EML4: variants seen among roughly 807,000 people sequenced by gnomAD.
EML4 encodes EMAP like 4.
In EML4, 72 loss-of-function variants were observed where a neutral mutation model predicts 129.0. The ratio of observed to expected loss-of-function variants is 0.56; its 90% confidence interval spans 0.46 to 0.68. The LOEUF (loss-of-function observed/expected upper bound fraction) is 0.68. Ranked by LOEUF, EML4 falls within the 30% of genes least tolerant of loss-of-function variation. The pLI, the probability that EML4 is intolerant of heterozygous loss-of-function variation, is 0.00. For missense variants in EML4, 1,363 were observed against 1,190.6 expected, an observed-to-expected ratio of 1.14 and a Z score of -2.13; for synonymous variants, 532 against 405.0, an observed-to-expected ratio of 1.31 and a Z score of -3.77.
chr2:42,256,707 A>G (rs928283037), intron 3 of EML4, 77 bp downstream of exon 3: 8 of 1,542,914 alleles, frequency 5.2e-6, no homozygotes, highest in Non-Finnish European at 7.1e-6. Context: ...TTTAGAAAGA[A>G]TATGAAATAG....
At chr2:42,266,902 G>A (rs1666094448) in intron 6 of EML4, among the ~76,000 whole-genome samples, 1 of 152,134 alleles carries the variant, frequency 6.6e-6, no homozygotes, top group South Asian at 2.1e-4. Context: ...CTGAAATAGG[G>A]AACATTTGAG....
At chr2:42,207,903 A>G (rs978873183) in intron 1 of EML4, 9 of 152,238 alleles carry the variant, frequency 5.9e-5, no homozygotes, top group African/African-American at 2.2e-4. Flanking sequence ...TCTTATTTAT[A>G]GGAAGTTTTT....
intron 8 of EML4, among the ~76,000 whole-genome samples, chr2:42,283,585 C>T (rs1168275448): frequency 6.6e-6 from 1 of 151,804 alleles, no homozygotes; most frequent in Admixed American, 6.6e-5. Flanking sequence ...GGATGTTTTC[C>T]AACATTTAAA....
intron 1 of EML4, 79 bp downstream of exon 1, chr2:42,169,715 C>A: frequency 6.7e-7 from 1 of 1,498,810 alleles, no homozygotes; most frequent in East Asian, 2.5e-5. Flanking sequence ...CAGGCCCTGC[C>A]CTCCCGCCTG....
At chr2:42,176,135 T>C (rs1670589354) in intron 1 of EML4, among the ~76,000 whole-genome samples, 1 of 152,202 alleles carries the variant, frequency 6.6e-6, no homozygotes, top group African/African-American at 2.4e-5. Flanking sequence ...TTCTTTTCCT[T>C]ATTTCCCACT....
intron 1 of EML4, among the ~76,000 whole-genome samples, chr2:42,237,934 T>A (rs1310207966): frequency 6.6e-6 from 1 of 152,200 alleles, no homozygotes; most frequent in Admixed American, 6.5e-5. Flanking sequence ...TACTTATTGG[T>A]AGCATATAAG....
At chr2:42,203,881 C>G (rs1368804497) in intron 1 of EML4, among the ~76,000 whole-genome samples, 1 of 152,004 alleles carries the variant, frequency 6.6e-6, no homozygotes, top group Non-Finnish European at 1.5e-5. Context: ...AGGTATAGTG[C>G]TAAGCACTCT....
At chr2:42,227,486 T>C (rs1281708732) in intron 1 of EML4, among the ~76,000 whole-genome samples, 1 of 152,004 alleles carries the variant, frequency 6.6e-6, no homozygotes, top group Non-Finnish European at 1.5e-5. Context: ...TTTTTTTTTT[T>C]TTTTTAAACC....
intron 19 of EML4, chr2:42,319,802 A>T (rs1357786804): frequency 6.6e-6 from 1 of 152,262 alleles, no homozygotes; most frequent in Non-Finnish European, 1.5e-5. Flanking sequence ...TCAAAGTTCC[A>T]AATACAAATG....
intron 17 of EML4, among the ~76,000 whole-genome samples, chr2:42,307,424 T>A (rs933209593): frequency 8.5e-5 from 13 of 152,346 alleles, no homozygotes; most frequent in African/African-American, 2.6e-4. Flanking sequence ...AGGGGAGATG[T>A]AGTTGTCAGT....
chr2:42,290,738 A>T (rs566514843), intron 11 of EML4, among the ~76,000 whole-genome samples: 34 of 152,192 alleles, frequency 2.2e-4, no homozygotes, highest in African/African-American at 5.8e-4. Context: ...TCTCAAAAAA[A>T]TTTTTTTTAA....
chr2:42,219,711 A>G (rs1673438431), intron 1 of EML4, among the ~76,000 whole-genome samples: 1 of 152,050 alleles, frequency 6.6e-6, no homozygotes, highest in South Asian at 2.1e-4. Flanking sequence ...TGACATCAGG[A>G]CTTCAAGACC....
At chr2:42,221,099 A>C (rs1397457666) in intron 1 of EML4, among the ~76,000 whole-genome samples, 1 of 152,158 alleles carries the variant, frequency 6.6e-6, no homozygotes, top group East Asian at 1.9e-4. Flanking sequence ...AGATTTAGCT[A>C]AGATCATTGA....
At chr2:42,261,061 GTT>G in intron 3 of EML4, 58 bp from the exon 4 acceptor site, 1 of 1,295,714 alleles carries the variant, frequency 7.7e-7, no homozygotes, top group Non-Finnish European at 1.1e-6. Flanking sequence ...CTTTTCTATC[GTT>G]TGATTTTTTT....
At chr2:42,189,517 T>G (rs1365198865) in intron 1 of EML4, among the ~76,000 whole-genome samples, 1 of 152,202 alleles carries the variant, frequency 6.6e-6, no homozygotes, top group Non-Finnish European at 1.5e-5. Context: ...GAGTTCAAGG[T>G]GGCAATGAGC....
intron 1 of EML4, among the ~76,000 whole-genome samples, chr2:42,176,189 C>T (rs976324439): frequency 1.3e-5 from 2 of 152,164 alleles, no homozygotes; most frequent in African/African-American, 4.8e-5. Flanking sequence ...TGTTTTGATT[C>T]TTTGCCATTT....
intron 1 of EML4, among the ~76,000 whole-genome samples, chr2:42,194,575 G>A (rs1671790531): frequency 6.6e-6 from 1 of 150,946 alleles, no homozygotes; most frequent in Non-Finnish European, 1.5e-5. Flanking sequence ...GAGTGCAGTA[G>A]CTCATGTGAT....
At chr2:42,212,260 G>C (rs1488210361) in intron 1 of EML4, among the ~76,000 whole-genome samples, 1 of 151,990 alleles carries the variant, frequency 6.6e-6, no homozygotes, top group African/African-American at 2.4e-5. Context: ...TTTGTTGATG[G>C]TTTTTAATTT....
At chr2:42,282,357 A>T (rs961013898) in intron 7 of EML4, among the ~76,000 whole-genome samples, 3 of 136,662 alleles carry the variant, frequency 2.2e-5, no homozygotes, top group African/African-American at 8.2e-5. Context: ...TACGCTAGGG[A>T]TAATGGCAGG....
Sources: allele counts gnomAD v4.1 joint callset (sites outside exome capture counted in the v4.1 genomes callset), GRCh38; gene constraint gnomAD v4.1.1; transcripts MANE v1.5; gene names NCBI Gene and HGNC (gene_info 2026-07-23, HGNC 2026-07-21).